TRIM21: variants seen among roughly 807,000 people sequenced by gnomAD.
TRIM21 encodes tripartite motif containing 21.
A neutral mutation model predicts 36.1 loss-of-function variants in TRIM21; 35 were observed. The ratio of observed to expected loss-of-function variants is 0.97; its 90% CI spans 0.74 to 1.28. The LOEUF (loss-of-function observed/expected upper bound fraction) is 1.28, where lower values mean the gene tolerates loss of function less well. Ranked by LOEUF, TRIM21 falls within the 50% of genes most tolerant of loss-of-function variation. The pLI is 0.00. For synonymous variants in TRIM21, 256 were observed against 211.5 expected (o/e 1.21, Z -1.83); for missense variants, 635 against 570.7 (o/e 1.11, Z -1.15).
intron 3 of TRIM21, 42 bp downstream of exon 3, chr11:4,389,612 C>T: frequency 1.3e-6 from 2 of 1,563,966 alleles, no homozygotes; most frequent in South Asian, 1.1e-5. Context: ...GGACCCTGCC[C>T]AGCCTTCCAG....
rs751699840 is a variant in TRIM21, at chr11:4,386,161, A to C, written c.855T>G (p.Cys285Trp). Residue 285 changes from cysteine to tryptophan, a missense_variant, in exon 6 of 7, where the codon TGT (cysteine) becomes TGG (tryptophan). Cys to Trp is a radical substitution (Grantham distance 215). Coordinates refer to ENST00000254436, the MANE Select transcript of TRIM21 (RefSeq NM_003141.4). Reference protein sequence around the residue: ...VPGLKKMLRTCAVHITLDPDT... With the variant: ...VPGLKKMLRTWAVHITLDPDT... The stretch of plus-strand genomic sequence containing the variant: ...CAAAACTAGAACTTGCCTCACCTGC[A>C]CATGTCCTCAGCATCTTCTTCAGCC... 3.1e-6 allele frequency: 5 copies of C among 1,613,038 alleles called. No individual in the cohort carries two copies. In the South Asian group the frequency reaches 5.5e-5, roughly 18 times the overall value.
At position 4,385,106 on chromosome 11, in the gene TRIM21, CA is replaced by C. The variant is rs2094954477; in HGVS notation, c.*178del. 3 of 595,542 alleles carry C rather than the reference CA, an allele frequency of 5.0e-6. No individual in the cohort carries two copies. The highest frequency in any genetic ancestry group is 8.6e-6 in the Non-Finnish European group (3 of 350,054). 36.9% of individuals were successfully genotyped at this position (595,542 alleles called of 1,614,324 possible). A position where few individuals can be genotyped will look rare whatever the true frequency, so the allele number is the denominator to read the frequency against. On this transcript the variant is annotated 3_prime_UTR_variant, in exon 7 of 7. Coordinates refer to ENST00000254436, the MANE Select transcript of TRIM21 (RefSeq NM_003141.4). ...GAGGCTGCTTCACTGGAGGGAATCACAAAGCCATCTGGGGCAGGAATGTTGA... is the reference window on the plus strand; with the variant it reads ...GAGGCTGCTTCACTGGAGGGAATCACAAGCCATCTGGGGCAGGAATGTTGA...
At chr11:4,386,485 C>G (rs1007569453) in intron 5 of TRIM21, among the ~76,000 whole-genome samples, 8 of 152,236 alleles carry the variant, frequency 5.3e-5, no homozygotes, top group Non-Finnish European at 1.2e-4. Context: ...CAGTCTGTCT[C>G]TCCTGTCTAA....
At chr11:4,386,066 C>T (rs557325828) in intron 6 of TRIM21, 91 bp downstream of exon 6, 7 of 1,287,018 alleles carry the variant, frequency 5.4e-6, no homozygotes, top group Admixed American at 1.8e-5. Flanking sequence ...CTCTGACCTG[C>T]CATCTCTCCT....
Position 4,385,744 on chromosome 11 carries a change from C to G in TRIM21, c.969G>C (p.Glu323Asp). The G allele has an allele frequency of 1.9e-6, 3 of 1,613,392 alleles. No homozygotes were observed. Among genetic ancestry groups the G allele is most frequent in the South Asian group, 2.2e-5 (2 of 90,856 alleles). ...GGACCATAGGATAACTATCAAATCT[C>G]TCTTCATTTCCAGGTATGCTCTGCT... is the stretch of plus-strand genomic sequence containing the variant. ...DTQQSIPGNE[E>D]RFDSYPMVLG... is the part of the protein sequence containing the mutation. Residue 323 changes from glutamate to aspartate, a missense_variant, in exon 7 of 7, where the codon GAG becomes GAC. Glu to Asp is a conservative substitution (Grantham distance 45). Coordinates refer to ENST00000254436, the MANE Select transcript of TRIM21 (RefSeq NM_003141.4).
chr11:4,386,325 A>C, intron 5 of TRIM21, 68 bp from the exon 6 acceptor site: 2 of 1,261,534 alleles, frequency 1.6e-6, no homozygotes, highest in Non-Finnish European at 2.3e-6. Flanking sequence ...TATAACCTCC[A>C]TTGTGGAGGA....
intron 4 of TRIM21, among the ~76,000 whole-genome samples, chr11:4,387,441 A>G (rs1210227202): frequency 6.6e-6 from 1 of 152,158 alleles, no homozygotes; most frequent in Non-Finnish European, 1.5e-5. Flanking sequence ...TCCCTTGGGT[A>G]CTTAATGTTG....
At chr11:4,391,326 G>A (rs926478378) in intron 1 of TRIM21, among the ~76,000 whole-genome samples, 1 of 152,206 alleles carries the variant, frequency 6.6e-6, no homozygotes, top group Non-Finnish European at 1.5e-5. Context: ...ATGAACAGTT[G>A]CTCAACATCA....
At chr11:4,387,514 T>C (rs2094957817) in intron 4 of TRIM21, among the ~76,000 whole-genome samples, 1 of 152,124 alleles carries the variant, frequency 6.6e-6, no homozygotes, top group African/African-American at 2.4e-5. Context: ...TAGGCGCCAT[T>C]ACATGGGAGC....
chr11:4,385,263 T>C lies in TRIM21; in HGVS notation c.*22A>G. Reference sequence around the variant, plus strand: ...TGAGAAGCGGTGCCAATGGGGAGAGTGGCAGTGTCCAGAGAAAGCCATCAA... The same window carrying C: ...TGAGAAGCGGTGCCAATGGGGAGAGCGGCAGTGTCCAGAGAAAGCCATCAA... On this transcript the variant is annotated 3_prime_UTR_variant, in exon 7 of 7. Coordinates refer to ENST00000254436, the MANE Select transcript of TRIM21 (RefSeq NM_003141.4). 2 of 1,586,714 alleles carry C rather than the reference T, an allele frequency of 1.3e-6. No individual in the cohort carries two copies. The highest frequency in any genetic ancestry group is 1.7e-6 in the Non-Finnish European group (2 of 1,165,730).
chr11:4,385,968 G>A (rs1305455404), intron 6 of TRIM21, 115 bp from the exon 7 acceptor site: 1 of 1,176,668 alleles, frequency 8.5e-7, no homozygotes, highest in Non-Finnish European at 1.2e-6. Flanking sequence ...GAACCTCCCT[G>A]TGTGAGGAAA....
At chr11:4,391,522 C>A (rs923271271) in intron 1 of TRIM21, among the ~76,000 whole-genome samples, 1 of 152,048 alleles carries the variant, frequency 6.6e-6, no homozygotes, top group Non-Finnish European at 1.5e-5. Context: ...TTTGGAGGTT[C>A]TTCAAAATAC....
At position 4,390,234 on chromosome 11, in the gene TRIM21, A is replaced by G; in HGVS notation, c.176T>C (p.Leu59Pro). 6.2e-7 allele frequency: 1 copy of G among 1,614,024 alleles called. No individual in the cohort carries two copies. Among genetic ancestry groups the G allele is most frequent in the Non-Finnish European group, 8.5e-7 (1 of 1,179,896 alleles). The change falls in exon 2 of 7, where the codon CTG (leucine) becomes CCG (proline). Residue 59 changes from leucine to proline, a missense_variant. Coordinates refer to ENST00000254436, the MANE Select transcript of TRIM21 (RefSeq NM_003141.4). ...TCGATTGGGCCGGAGATTCTTGAGC[A>G]GAAAGCGCTGCCGGCACACAGGACA... ...SVCPVCRQRF[L>P]LKNLRPNRQL... is the part of the protein sequence containing the mutation.
chr11:4,390,166 C>G lies in TRIM21; in HGVS notation c.244G>C (p.Glu82Gln). Residue 82 changes from glutamate to glutamine, a missense_variant, in exon 2 of 7, where the codon GAG (glutamate) becomes CAG (glutamine). Coordinates refer to ENST00000254436, the MANE Select transcript of TRIM21 (RefSeq NM_003141.4). ...MVNNLKEISQ[E>Q]AREGTQGERC... is the part of the protein sequence containing the mutation. ...TCCCCCTGTGTGCCCTCTCTGGCCT[C>G]CTGGCTGATTTCTTTAAGGTTGTTC... The G allele has an allele frequency of 6.2e-7, 1 of 1,614,060 alleles. No individual in the cohort carries two copies. Among genetic ancestry groups the G allele is most frequent in the Non-Finnish European group, 8.5e-7 (1 of 1,179,898 alleles).
Position 4,388,264 on chromosome 11 carries a change from C to T in TRIM21, c.735+36G>A, listed in dbSNP as rs143673605. 8.0e-4 allele frequency: 1,250 copies of T among 1,557,820 alleles called. 18 individuals are homozygous for T. The East Asian group carries it at 0.023, about 28-fold the overall frequency. On this transcript the variant is annotated intron_variant, in intron 4 of 6. Transcript: ENST00000254436. ...ATAGCTCTGGTCTTTTTCAGTTATT[C>T]CCTGAATTGTAGAAGGAAACCCCTC...
At position 4,385,071 on chromosome 11, in the gene TRIM21, C is replaced by T. The variant is rs1233543790; in HGVS notation, c.*214G>A. 5 of 526,750 alleles carry T rather than the reference C, an allele frequency of 9.5e-6. No individual in the cohort carries two copies. The Admixed American group carries it at 1.8e-4, about 19-fold the overall frequency. 32.6% of individuals were successfully genotyped at this position (526,750 alleles called of 1,614,324 possible). On this transcript the variant is annotated 3_prime_UTR_variant, in exon 7 of 7. Coordinates refer to ENST00000254436, the MANE Select transcript of TRIM21 (RefSeq NM_003141.4). ...TTGGTTGATCAAGATGAGTTTGGGCCAAATATAAGGAGGCTGCTTCACTGG... is the reference window on the plus strand; with the variant it reads ...TTGGTTGATCAAGATGAGTTTGGGCTAAATATAAGGAGGCTGCTTCACTGG...
Position 4,386,995 on chromosome 11 carries a change from G to T in TRIM21, c.736-5C>A, listed in dbSNP as rs867655966. 1.9e-6 allele frequency: 3 copies of T among 1,576,920 alleles called. No homozygotes were observed. In the Middle Eastern group the frequency reaches 5.0e-4, roughly 262 times the overall value. ...TTCCAGGACAATTATCACCTCCTGA[G>T]GAGAAAAGAGACAGAAAGTAAGTTC... On this transcript the variant is annotated splice_region_variant and splice_polypyrimidine_tract_variant and intron_variant, in intron 4 of 6. Coordinates refer to ENST00000254436, the MANE Select transcript of TRIM21 (RefSeq NM_003141.4).
intron 2 of TRIM21, 70 bp downstream of exon 2, chr11:4,389,932 T>C: frequency 6.4e-7 from 1 of 1,574,070 alleles, no homozygotes; most frequent in Non-Finnish European, 8.7e-7. Flanking sequence ...ACCCCTCCAA[T>C]CCAGAGGTGG....
chr11:4,389,803 G>T, intron 2 of TRIM21, 54 bp from the exon 3 acceptor site: 1 of 1,562,614 alleles, frequency 6.4e-7, no homozygotes. Flanking sequence ...AATAGGGTGG[G>T]GTAATCCTTG....
Sources: allele counts gnomAD v4.1 joint callset (sites outside exome capture counted in the v4.1 genomes callset), GRCh38; gene constraint gnomAD v4.1.1; transcripts MANE v1.5; gene names NCBI Gene and HGNC (gene_info 2026-07-23, HGNC 2026-07-21).